Variants in ABCC4 observed in about 807,000 individuals in gnomAD.
The protein encoded by ABCC4 is ATP binding cassette subfamily C member 4 (PEL blood group), also known as ATP-binding cassette sub-family C member 4.
In ABCC4, 102 loss-of-function variants were observed where a neutral mutation model predicts 168.5. The observed-to-expected ratio is 0.61, with a 90% CI of 0.52 to 0.71. ABCC4 has a LOEUF of 0.71. ABCC4 is among the 30% of genes least tolerant of loss of function. The pLI is 0.00. For synonymous variants in ABCC4, 617 were observed against 590.7 expected (o/e 1.04, Z -0.65); for missense variants, 1,402 against 1,605.8 (o/e 0.87, Z 2.17).
intron 13 of ABCC4, among the ~76,000 whole-genome samples, chr13:95,172,089 T>C (rs1226520696): frequency 1.3e-5 from 2 of 152,234 alleles, no homozygotes; most frequent in South Asian, 2.1e-4. Context: ...TCTTCCATTG[T>C]AGATGAGATA....
intron 19 of ABCC4, among the ~76,000 whole-genome samples, chr13:95,146,207 T>C (rs1346550579): frequency 2.4e-5 from 2 of 83,706 alleles, no homozygotes; most frequent in African/African-American, 4.4e-5. Flanking sequence ...CAAGACTCTC[T>C]CAAAAAAAAA....
Position 95,053,081 on chromosome 13 carries a change from A to G in ABCC4, c.3456+14T>C. On this transcript the variant is annotated intron_variant, in intron 27 of 30. Coordinates refer to ENST00000645237, the MANE Select transcript of ABCC4 (RefSeq NM_005845.5). ...AGGCTAACAGACTAAAGATAATTAC[A>G]TTTTATCAATTACCTCTTGTAAGGC... 2 of 1,600,816 alleles carry G rather than the reference A, an allele frequency of 1.2e-6. No individual in the cohort carries two copies. Among genetic ancestry groups the G allele is most frequent in the Non-Finnish European group, 1.7e-6 (2 of 1,167,906 alleles).
chr13:95,276,506 CAA>C (rs58632827), intron 1 of ABCC4, among the ~76,000 whole-genome samples: 6 of 127,932 alleles, frequency 4.7e-5, no homozygotes, highest in Non-Finnish European at 6.4e-5. Context: ...GACCCTGCCT[CAA>C]AAAAAAAAAA....
intron 11 of ABCC4, among the ~76,000 whole-genome samples, chr13:95,179,812 A>G (rs1315682363): frequency 2.0e-5 from 3 of 152,178 alleles, no homozygotes; most frequent in Non-Finnish European, 4.4e-5. Flanking sequence ...TGAGATCTCC[A>G]TGACAAGCAA....
In ABCC4 at chr13:95,188,461, C is replaced by T. The variant is rs766357126; in HGVS notation, c.1345G>A (p.Ala449Thr). 17 of 1,614,066 alleles carry T rather than the reference C, an allele frequency of 1.1e-5. No homozygotes were observed. The highest frequency in any genetic ancestry group is 1.4e-5 in the Non-Finnish European group (17 of 1,180,026). ...ELLAVVGPVG[A>T]GKSSLLSAVL... ...AAGCCATTCTAACTCACCTTCCCTG[C>T]TCCCACGGGGCCGACCACAGCTAAC... Residue 449 changes from alanine to threonine, a missense_variant, in exon 10 of 31, where the codon GCA becomes ACA. This residue lies in a region of ABCC4 where 1,007 missense variants were observed against 1,127.3 expected (regional missense o/e 0.89). Coordinates refer to ENST00000645237, the MANE Select transcript of ABCC4 (RefSeq NM_005845.5).
intron 30 of ABCC4, among the ~76,000 whole-genome samples, chr13:95,029,953 C>T (rs1347319747): frequency 1.3e-5 from 2 of 151,742 alleles, no homozygotes; most frequent in Non-Finnish European, 2.9e-5. Context: ...GCCCCAGGCT[C>T]CTAGGATCCA....
At chr13:95,172,999 C>G (rs1011676588) in intron 13 of ABCC4, among the ~76,000 whole-genome samples, 2 of 152,198 alleles carry the variant, frequency 1.3e-5, no homozygotes, top group Admixed American at 6.5e-5. Flanking sequence ...GATACATTTG[C>G]TGAGCACTGA....
At chr13:95,248,017 T>G (rs2040155683) in intron 1 of ABCC4, among the ~76,000 whole-genome samples, 1 of 151,556 alleles carries the variant, frequency 6.6e-6, no homozygotes, top group African/African-American at 2.4e-5. Flanking sequence ...TGCCCAGATC[T>G]TGGTTTCCAA....
chr13:95,233,291 T>C (rs1447390164), intron 4 of ABCC4, among the ~76,000 whole-genome samples: 1 of 145,428 alleles, frequency 6.9e-6, no homozygotes, highest in Non-Finnish European at 1.5e-5. Context: ...TAAACCAAGA[T>C]GATTTAAAGT....
chr13:95,209,398 T>C, intron 6 of ABCC4, 36 bp downstream of exon 6: 2 of 1,604,216 alleles, frequency 1.2e-6, no homozygotes, highest in Non-Finnish European at 1.7e-6. Flanking sequence ...TGTTACCAAA[T>C]ACATATGACA....
At chr13:95,217,053 T>C (rs2039134300) in intron 4 of ABCC4, among the ~76,000 whole-genome samples, 2 of 152,196 alleles carry the variant, frequency 1.3e-5, no homozygotes, top group African/African-American at 4.8e-5. Flanking sequence ...AGAACAATAC[T>C]GTGAATGGTG....
chr13:95,179,901 A>G lies in ABCC4; in HGVS notation c.1546-1810T>C, dbSNP rs112398745. 6.4e-4 allele frequency among the ~76,000 whole-genome samples: 98 copies of G among 152,290 alleles called. 1 individual carries two copies. The highest frequency in any genetic ancestry group is 6.8e-3 in the Middle Eastern group (2 of 294). On this transcript the variant is annotated intron_variant, in intron 11 of 30. Coordinates refer to ENST00000645237, the MANE Select transcript of ABCC4 (RefSeq NM_005845.5). ...GAAACAAGAATTAATAAACTCATAG[A>G]ATGCCGGAACAATCTAAAGTAAGGG... is the stretch of plus-strand genomic sequence containing the variant.
Position 95,209,464 on chromosome 13 carries a change from C to T in ABCC4, c.755G>A (p.Ser252Asn). The T allele has an allele frequency of 1.2e-6, 2 of 1,614,174 alleles. No homozygotes were observed. The highest frequency in any genetic ancestry group is 1.7e-6 in the Non-Finnish European group (2 of 1,180,000). Residue 252 changes from serine (S) to asparagine (N), a missense_variant, in exon 6 of 31, where the codon AGC becomes AAC. Ser to Asn is a conservative substitution (Grantham distance 46). Transcript: ENST00000645237. ...AVLIILLPLQSCFGKLFSSLR... is the reference protein window; with the variant it reads ...AVLIILLPLQNCFGKLFSSLR... ...TGATGAGAACAACTTCCCAAAACAG[C>T]TTTGCAAGGGCAGGAGAATGATTAG...
rs1481494805 is a variant in ABCC4, at chr13:95,021,020, G to C, written c.*555C>G. ...CATTTTTTTTTTTGATGGGGAGTAAGGGGTACACACTCCCTACTACAATGT... is the reference window on the plus strand; with the variant it reads ...CATTTTTTTTTTTGATGGGGAGTAACGGGTACACACTCCCTACTACAATGT... On this transcript the variant is annotated 3_prime_UTR_variant, in exon 31 of 31. Transcript: ENST00000645237. 1 of 152,160 alleles carries C rather than the reference G, an allele frequency of 6.6e-6. No homozygotes were observed. 9.4% of individuals were successfully genotyped at this position (152,160 alleles called of 1,614,324 possible).
chr13:95,164,522 C>T lies in ABCC4; in HGVS notation c.2035-4G>A, dbSNP rs768264874. On this transcript the variant is annotated splice_region_variant and splice_polypyrimidine_tract_variant and intron_variant, in intron 15 of 30. Coordinates refer to ENST00000645237, the MANE Select transcript of ABCC4 (RefSeq NM_005845.5). ...GTGTAACTGGGACATTCTCTGTCTG[C>T]AGAGGAAAAAAGGTGGTAAGAGACA... The T allele has an allele frequency of 6.2e-7, 1 of 1,612,750 alleles. No homozygotes were observed. Among genetic ancestry groups the T allele is most frequent in the Non-Finnish European group, 8.5e-7 (1 of 1,179,608 alleles).
In ABCC4 at chr13:95,044,880, A is replaced by AT. The variant is rs780341518; in HGVS notation, c.3457-443dup. Among the ~76,000 whole-genome samples the AT allele has an allele frequency of 2.0e-5, 3 of 152,324 alleles. No homozygotes were observed. In the South Asian group the frequency reaches 6.2e-4, roughly 32 times the overall value. ...GTGATGGTTGCCAAGGGGCTGGAGG[A>AT]TTAACTGTAAATGGACACAAGGAAA... is the stretch of plus-strand genomic sequence containing the variant. On this transcript the variant is annotated intron_variant, in intron 27 of 30. Transcript: ENST00000645237.
At chr13:95,154,115 T>G (rs1455489081) in intron 19 of ABCC4, among the ~76,000 whole-genome samples, 3 of 152,268 alleles carry the variant, frequency 2.0e-5, no homozygotes, top group African/African-American at 7.2e-5. Flanking sequence ...TCATTATGAT[T>G]GATGCAATCT....
chr13:95,278,397 T>C (rs190363163), intron 1 of ABCC4, among the ~76,000 whole-genome samples: 285 of 152,196 alleles, frequency 1.9e-3, no homozygotes, highest in Non-Finnish European at 2.9e-3. Context: ...TAAACCAGGA[T>C]TCTCCTGGGC....
intron 1 of ABCC4, 141 bp downstream of exon 1, chr13:95,301,100 G>T (rs1265464776): frequency 5.2e-6 from 4 of 766,104 alleles, no homozygotes; most frequent in East Asian, 7.0e-5. Flanking sequence ...AGAAAGCCCC[G>T]GCGTGGACCG....
Sources: allele counts gnomAD v4.1 joint callset (sites outside exome capture counted in the v4.1 genomes callset), GRCh38; gene constraint gnomAD v4.1.1; regional missense constraint gnomAD v4.1.1; transcripts MANE v1.5; gene names NCBI Gene and HGNC (gene_info 2026-07-23, HGNC 2026-07-21).